HOMER2: variants seen among roughly 807,000 people sequenced by gnomAD.
HOMER2 encodes the protein homer scaffold protein 2, also known as homer protein homolog 2.
In HOMER2, 27 loss-of-function variants were observed where a neutral mutation model predicts 47.0. The ratio of observed to expected loss-of-function variants is 0.57; its 90% CI spans 0.42 to 0.79. The LOEUF is 0.79. Ranked by LOEUF, HOMER2 falls within the 30% of genes least tolerant of loss-of-function variation. The pLI is 0.00. For missense variants in HOMER2, 443 were observed against 435.0 expected (o/e 1.02, Z -0.16); for synonymous variants, 161 against 163.8 (o/e 0.98, Z 0.13).
chr15:82,865,450 G>C (rs981083794), intron 3 of HOMER2, among the ~76,000 whole-genome samples: 4 of 152,150 alleles, frequency 2.6e-5, no homozygotes, highest in African/African-American at 2.4e-5. Context: ...ACGAGTTTTA[G>C]GCTTGCACAG....
At chr15:82,938,871 C>T (rs934073386) in intron 1 of HOMER2, among the ~76,000 whole-genome samples, 4 of 152,194 alleles carry the variant, frequency 2.6e-5, no homozygotes, top group Admixed American at 2.6e-4. Flanking sequence ...CCCTTTTCAG[C>T]CTCCTCTCCC....
intron 1 of HOMER2, among the ~76,000 whole-genome samples, chr15:82,941,799 C>T (rs1409223370): frequency 2.0e-5 from 3 of 152,132 alleles, no homozygotes; most frequent in Non-Finnish European, 1.5e-5. Context: ...CATCTCCATG[C>T]CTATTATTAA....
At chr15:82,973,250 T>C (rs982053949) in intron 1 of HOMER2, among the ~76,000 whole-genome samples, 2 of 152,196 alleles carry the variant, frequency 1.3e-5, no homozygotes, top group Non-Finnish European at 2.9e-5. Context: ...CTCAGAAATA[T>C]GCCTCAAATA....
chr15:82,895,196 G>A (rs2052867316), intron 1 of HOMER2, among the ~76,000 whole-genome samples: 1 of 152,208 alleles, frequency 6.6e-6, no homozygotes, highest in South Asian at 2.1e-4. Flanking sequence ...TAGGTCCCCT[G>A]GAGCAGGACA....
chr15:82,948,417 G>C (rs959341900), intron 1 of HOMER2, among the ~76,000 whole-genome samples: 3 of 150,038 alleles, frequency 2.0e-5, no homozygotes, highest in African/African-American at 7.4e-5. Context: ...AAAAGAATTA[G>C]CTGGGTGTGA....
chr15:82,923,904 C>A (rs1056089690), intron 1 of HOMER2, among the ~76,000 whole-genome samples: 10 of 152,230 alleles, frequency 6.6e-5, no homozygotes, highest in African/African-American at 1.7e-4. Flanking sequence ...CACAGCTCTA[C>A]CAGGGTAAAT....
chr15:82,849,997 A>G, intron 8 of HOMER2, 94 bp from the exon 9 acceptor site: 1 of 1,286,734 alleles, frequency 7.8e-7, no homozygotes, highest in Non-Finnish European at 1.1e-6. Context: ...TCTCCATCCA[A>G]TCTGAGGGCC....
intron 3 of HOMER2, among the ~76,000 whole-genome samples, chr15:82,868,013 C>T (rs1234685161): frequency 6.6e-6 from 1 of 152,014 alleles, no homozygotes; most frequent in Non-Finnish European, 1.5e-5. Context: ...CCAAGTCTTG[C>T]ATTTTCTAAT....
intron 1 of HOMER2, among the ~76,000 whole-genome samples, chr15:82,928,955 A>AAAAAAAAAAAAAAAAAAAAAAAAAAC (rs2053932872): frequency 1.4e-5 from 2 of 147,512 alleles, no homozygotes; most frequent in Non-Finnish European, 1.5e-5. Context: ...AAAAAAAAAA[A>AAAAAAAAAAAAAAAAAAAAAAAAAAC]AAAAAGCTGT....
intron 3 of HOMER2, among the ~76,000 whole-genome samples, chr15:82,868,542 T>TATATATATATATATATATATATA (rs370867216): frequency 6.8e-4 from 29 of 42,650 alleles, no homozygotes; most frequent in African/African-American, 1.5e-3. Context: ...TATATATATA[T>TATATATATATATATATATATATA]TTTTTTTTTT....
chr15:82,924,519 T>C (rs1046932994), intron 1 of HOMER2, among the ~76,000 whole-genome samples: 3 of 152,302 alleles, frequency 2.0e-5, no homozygotes, highest in Non-Finnish European at 4.4e-5. Context: ...CATCCTCAGA[T>C]TGACATGTTT....
intron 1 of HOMER2, among the ~76,000 whole-genome samples, chr15:82,968,086 G>T (rs2054692007): frequency 6.6e-6 from 1 of 151,414 alleles, no homozygotes; most frequent in Non-Finnish European, 1.5e-5. Flanking sequence ...CTTTTTTGTA[G>T]AGGTAGAGTC....
chr15:82,890,277 G>A (rs1399766560), intron 2 of HOMER2, among the ~76,000 whole-genome samples: 1 of 152,184 alleles, frequency 6.6e-6, no homozygotes, highest in Non-Finnish European at 1.5e-5. Context: ...GGGAGGTGGA[G>A]GCTGCAGTGA....
intron 1 of HOMER2, among the ~76,000 whole-genome samples, chr15:82,983,313 G>T (rs1172916792): frequency 1.3e-5 from 2 of 152,104 alleles, no homozygotes; most frequent in Admixed American, 1.3e-4. Context: ...CTGTCGGGGA[G>T]CAACTGTACA....
chr15:82,872,169 G>A (rs1192665318), intron 3 of HOMER2, among the ~76,000 whole-genome samples: 1 of 152,164 alleles, frequency 6.6e-6, no homozygotes, highest in Non-Finnish European at 1.5e-5. Flanking sequence ...CTTCAGGAGG[G>A]AAAGACATAC....
intron 7 of HOMER2, among the ~76,000 whole-genome samples, chr15:82,851,928 C>T (rs974002475): frequency 5.3e-5 from 8 of 152,218 alleles, no homozygotes; most frequent in Non-Finnish European, 1.2e-4. Flanking sequence ...TCTGCACGAC[C>T]AGCTATAGAA....
chr15:82,879,504 AAAAG>A (rs1172141437), intron 2 of HOMER2, among the ~76,000 whole-genome samples: 5 of 152,354 alleles, frequency 3.3e-5, no homozygotes, highest in Non-Finnish European at 4.4e-5. Flanking sequence ...CCTCTAAGAA[AAAAG>A]AAAGAAAGAA....
chr15:82,964,128 A>C (rs189170163), intron 1 of HOMER2, among the ~76,000 whole-genome samples: 61 of 152,352 alleles, frequency 4.0e-4, no homozygotes, highest in African/African-American at 1.5e-3. Context: ...ATATCTACCA[A>C]ATCTGAGATC....
exon 2 of HOMER2, chr15:82,839,134 C>G (rs574558522): frequency 1.3e-5 from 2 of 152,226 alleles, no homozygotes; most frequent in East Asian, 1.9e-4. Flanking sequence ...TGGAATGAGT[C>G]TCTGAGATTA....
Sources: gnomAD v4.1 joint callset for allele counts (sites outside exome capture counted in the v4.1 genomes callset) on GRCh38, gnomAD v4.1.1 for gene constraint, MANE v1.5 for transcripts, NCBI Gene and HGNC (gene_info 2026-07-23, HGNC 2026-07-21) for gene names.